The following VRK2 variants were observed in gnomAD, a reference collection of about 807,000 sequenced individuals.
VRK2 encodes the protein VRK serine/threonine kinase 2, also known as serine/threonine-protein kinase VRK2.
Under a neutral mutation model 57.6 loss-of-function variants are expected in VRK2, and 60 were observed. The ratio of observed to expected loss-of-function variants is 1.04; its 90% CI spans 0.85 to 1.29. The LOEUF is 1.29. Among genes scored for constraint, VRK2 ranks in the 50% most tolerant of loss-of-function variants. The pLI is 0.00. For missense variants in VRK2, 705 were observed against 588.1 expected (o/e 1.20, Z -2.06); for synonymous variants, 231 against 199.2 (o/e 1.16, Z -1.35).
chr2:57,998,207 G>A (rs1426974347), intron 1 of VRK2, among the ~76,000 whole-genome samples: 2 of 152,160 alleles, frequency 1.3e-5, no homozygotes, highest in South Asian at 2.1e-4. Context: ...GTTACTATAT[G>A]CAAGTATTAC....
At chr2:58,052,056 A>G (rs1675824566) in intron 2 of VRK2, among the ~76,000 whole-genome samples, 1 of 152,212 alleles carries the variant, frequency 6.6e-6, no homozygotes, top group African/African-American at 2.4e-5. Context: ...TGCTGGGTAT[A>G]ACACAGAACC....
intron 1 of VRK2, among the ~76,000 whole-genome samples, chr2:57,967,385 T>C (rs543104056): frequency 6.6e-6 from 1 of 151,764 alleles, no homozygotes; most frequent in Non-Finnish European, 1.5e-5. Flanking sequence ...ATAATAATAA[T>C]AAGATAGATA....
At chr2:58,031,549 A>G (rs1311511473) in intron 2 of VRK2, among the ~76,000 whole-genome samples, 4 of 152,118 alleles carry the variant, frequency 2.6e-5, no homozygotes, top group Non-Finnish European at 4.4e-5. Flanking sequence ...TTAAAATGAT[A>G]TTTACAATGA....
chr2:57,965,360 A>T (rs1476018624), intron 1 of VRK2, among the ~76,000 whole-genome samples: 1 of 152,240 alleles, frequency 6.6e-6, no homozygotes, highest in African/African-American at 2.4e-5. Context: ...TATCAGGTAA[A>T]CAGGAATAGA....
chr2:58,118,917 G>C (rs985741086), intron 7 of VRK2, among the ~76,000 whole-genome samples: 1 of 152,166 alleles, frequency 6.6e-6, no homozygotes, highest in Non-Finnish European at 1.5e-5. Flanking sequence ...GTGCTCAGTG[G>C]GGTAGCTTCT....
At chr2:58,154,854 C>T (rs1573441971) in intron 12 of VRK2, 2 of 674,548 alleles carry the variant, frequency 3.0e-6, no homozygotes, top group Non-Finnish European at 5.5e-6. Context: ...GTACTGCATC[C>T]TGTAAATATT....
At chr2:57,989,487 G>A (rs1226133501) in intron 1 of VRK2, among the ~76,000 whole-genome samples, 1 of 152,046 alleles carries the variant, frequency 6.6e-6, no homozygotes, top group Non-Finnish European at 1.5e-5. Flanking sequence ...TCTTTAATTG[G>A]TGATCATATG....
At chr2:57,941,319 C>G (rs987808800) in intron 1 of VRK2, among the ~76,000 whole-genome samples, 3 of 152,144 alleles carry the variant, frequency 2.0e-5, no homozygotes, top group African/African-American at 7.2e-5. Context: ...AATATTGACA[C>G]TATGCTTTTT....
chr2:58,096,251 G>A (rs1052290203), intron 7 of VRK2, among the ~76,000 whole-genome samples: 4 of 151,930 alleles, frequency 2.6e-5, no homozygotes, highest in African/African-American at 9.7e-5. Flanking sequence ...ATTTTGTTCT[G>A]TTTTTATCAT....
intron 11 of VRK2, among the ~76,000 whole-genome samples, chr2:58,142,749 G>A (rs866937628): frequency 7.9e-5 from 12 of 151,800 alleles, no homozygotes; most frequent in South Asian, 4.1e-4. Context: ...GGAAAACAGC[G>A]TTACTAAAGG....
intron 1 of VRK2, among the ~76,000 whole-genome samples, chr2:57,909,389 C>G (rs564148442): frequency 1.3e-5 from 2 of 152,250 alleles, no homozygotes; most frequent in South Asian, 2.1e-4. Flanking sequence ...AAGTACTGCA[C>G]TCTTTCACTA....
chr2:58,038,827 A>T (rs1269291723), intron 3 of VRK2, among the ~76,000 whole-genome samples: 1 of 152,120 alleles, frequency 6.6e-6, no homozygotes, highest in Non-Finnish European at 1.5e-5. Flanking sequence ...TCTTTTGTCA[A>T]TTTAATATGC....
At position 58,084,101 on chromosome 2, in the gene VRK2, A is replaced by G; in HGVS notation, c.149A>G (p.Asn50Ser). 1.9e-6 allele frequency: 3 copies of G among 1,606,386 alleles called. No individual in the cohort carries two copies. The highest frequency in any genetic ancestry group is 2.6e-6 in the Non-Finnish European group (3 of 1,175,482). Residue 50 changes from asparagine (N) to serine (S), a missense_variant, in exon 3 of 13, where the codon AAT becomes AGT. Asn to Ser is a conservative substitution (Grantham distance 46). Transcript: ENST00000340157. Reference protein sequence around the residue: ...FGLIYLAFPTNKPEKDARHVV... With the variant: ...FGLIYLAFPTSKPEKDARHVV... ...TTTTTGTCTGCAGCTTTCCCCACAA[A>G]TAAACCAGAGAAAGATGCAAGACAT...
intron 1 of VRK2, among the ~76,000 whole-genome samples, chr2:57,950,148 T>C (rs1671381149): frequency 6.6e-6 from 1 of 152,210 alleles, no homozygotes; most frequent in Non-Finnish European, 1.5e-5. Context: ...TAGCAAATTA[T>C]CCAGATAAAG....
chr2:57,952,334 G>T (rs775575861), intron 1 of VRK2, among the ~76,000 whole-genome samples: 7 of 152,138 alleles, frequency 4.6e-5, no homozygotes, highest in Admixed American at 2.0e-4. Context: ...AAAGGGAAAT[G>T]CAATGTCTTC....
intron 2 of VRK2, among the ~76,000 whole-genome samples, chr2:58,070,231 C>G (rs1297413828): frequency 6.6e-6 from 1 of 151,804 alleles, no homozygotes; most frequent in East Asian, 1.9e-4. Flanking sequence ...TTTGTTTTTT[C>G]TTGAGATGGA....
intron 11 of VRK2, among the ~76,000 whole-genome samples, chr2:58,144,059 T>C (rs1191353339): frequency 6.6e-6 from 1 of 151,752 alleles, no homozygotes; most frequent in African/African-American, 2.4e-5. Context: ...AATGGAATAT[T>C]ATTCAGCCAT....
intron 1 of VRK2, among the ~76,000 whole-genome samples, chr2:57,954,229 C>A (rs765716668): frequency 7.2e-5 from 11 of 152,050 alleles, no homozygotes; most frequent in Non-Finnish European, 1.3e-4. Flanking sequence ...CTTATTTTTA[C>A]CCAAATCATC....
chr2:57,971,323 C>T (rs956345624), intron 1 of VRK2, among the ~76,000 whole-genome samples: 1 of 151,954 alleles, frequency 6.6e-6, no homozygotes, highest in African/African-American at 2.4e-5. Context: ...GTCATGGAGG[C>T]ACCCTCTGCC....
Sources: allele counts gnomAD v4.1 joint callset (sites outside exome capture counted in the v4.1 genomes callset), GRCh38; gene constraint gnomAD v4.1.1; transcripts MANE v1.5; gene names NCBI Gene and HGNC (gene_info 2026-07-23, HGNC 2026-07-21).